Variants in PIGR observed in about 807,000 individuals in gnomAD.
PIGR encodes polymeric immunoglobulin receptor.
PIGR carries 22 observed loss-of-function variants against 69.5 expected under a neutral mutation model. The observed-to-expected ratio is 0.32, with a 90% CI of 0.23 to 0.45. PIGR has a LOEUF of 0.45. Ranked by LOEUF, PIGR falls within the 20% of genes least tolerant of loss-of-function variation. PIGR has a pLI of 1.00. For missense variants in PIGR, 885 were observed against 974.0 expected, an observed-to-expected ratio of 0.91 and a Z score of 1.22; for synonymous variants, 413 against 407.6, an observed-to-expected ratio of 1.01 and a Z score of -0.16.
chr1:206,933,949 A>G (rs1057146892), intron 6 of PIGR, among the ~76,000 whole-genome samples: 1 of 151,582 alleles, frequency 6.6e-6, no homozygotes, highest in Admixed American at 6.6e-5. Context: ...AGTTCACTGC[A>G]ACCCCTGCCT....
intron 3 of PIGR, among the ~76,000 whole-genome samples, chr1:206,938,475 C>T (rs184081898): frequency 4.3e-4 from 65 of 152,316 alleles, no homozygotes; most frequent in Middle Eastern, 3.4e-3. Context: ...TTCTTTTCTC[C>T]GTAGACCTCT....
In PIGR at chr1:206,939,158, G is replaced by A; in HGVS notation, c.349C>T (p.Arg117Ter). The change falls in exon 3 of 11, where the codon CGA becomes TGA. Residue 117 changes from arginine to a stop codon, truncating the protein, a stop_gained. Coordinates refer to ENST00000356495, the MANE Select transcript of PIGR (RefSeq NM_002644.4). LOFTEE classifies it high-confidence loss of function. ...RYKCGLGINS[R>*]GLSFDVSLEV... is the part of the protein sequence containing the mutation. Reference sequence around the variant, plus strand: ...AGGCTGACATCAAAGGACAGGCCTCGGCTATTGATGCCCAGGCCACACTTG... The same window carrying A: ...AGGCTGACATCAAAGGACAGGCCTCAGCTATTGATGCCCAGGCCACACTTG... The A allele has an allele frequency of 1.9e-6, 3 of 1,613,632 alleles. No individual in the cohort carries two copies. The highest frequency in any genetic ancestry group is 2.5e-6 in the Non-Finnish European group (3 of 1,179,620).
At position 206,939,418 on chromosome 1, in the gene PIGR, C is replaced by A; in HGVS notation, c.89G>T (p.Ser30Ile). 1 of 1,612,110 alleles carries A rather than the reference C, an allele frequency of 6.2e-7. No individual in the cohort carries two copies. The highest frequency in any genetic ancestry group is 8.5e-7 in the Non-Finnish European group (1 of 1,178,280). ...SPIFGPEEVN[S>I]VEGNSVSITC... ...GATGGACACTGAGTTACCTTCCACA[C>A]TATTCACCTCCTCGGGACCAAATAT... The change falls in exon 3 of 11, where the codon AGT (serine) becomes ATT (isoleucine). Residue 30 changes from serine to isoleucine, a missense_variant. By Grantham distance (142) the Ser-to-Ile change is moderately radical. Transcript: ENST00000356495.
At chr1:206,932,410 G>T in intron 8 of PIGR, 46 bp downstream of exon 8, 2 of 1,576,340 alleles carry the variant, frequency 1.3e-6, no homozygotes, top group East Asian at 2.3e-5. Flanking sequence ...TCAGGACTGA[G>T]GGCTCGGGTT....
chr1:206,931,291 C>T, intron 10 of PIGR: 3 of 1,451,216 alleles, frequency 2.1e-6, no homozygotes, highest in Non-Finnish European at 2.7e-6. Flanking sequence ...TCACCTCCTT[C>T]CTGGGCCTTA....
chr1:206,931,855 G>T (rs1679760395), intron 8 of PIGR, 53 bp from the exon 9 acceptor site: 2 of 1,605,896 alleles, frequency 1.2e-6, no homozygotes, highest in Admixed American at 3.3e-5. Flanking sequence ...GACCTAGAAG[G>T]CCAGGCTGGG....
chr1:206,939,579 A>G, intron 2 of PIGR, 116 bp from the exon 3 acceptor site: 1 of 634,556 alleles, frequency 1.6e-6, no homozygotes, highest in Non-Finnish European at 2.8e-6. Context: ...TGTGTTGATA[A>G]TTTATCATAT....
intron 1 of PIGR, among the ~76,000 whole-genome samples, chr1:206,942,770 G>C (rs1252789476): frequency 3.3e-5 from 5 of 152,176 alleles, no homozygotes; most frequent in African/African-American, 1.2e-4. Context: ...TGTAGAGAGG[G>C]GACATGTGTG....
In PIGR at chr1:206,940,520, G is replaced by A. The variant is rs867475005; in HGVS notation, c.12C>T (p.Phe4=). MLL[F]VLTCLLAVFP... ...AGACCGCCAGCAGGCAGGTGAGCAC[G>A]AAGAGCAGCATTGCTGGTGGGTCCC... Residue 4 remains phenylalanine (F), a synonymous_variant, in exon 2 of 11, where the codon TTC becomes TTT. Transcript: ENST00000356495. 9 of 1,551,420 alleles carry A rather than the reference G, an allele frequency of 5.8e-6. No homozygotes were observed. The Admixed American group carries it at 5.9e-5, about 10-fold the overall frequency.
At chr1:206,944,725 A>C (rs1477356888) in intron 1 of PIGR, among the ~76,000 whole-genome samples, 1 of 152,184 alleles carries the variant, frequency 6.6e-6, no homozygotes, top group Non-Finnish European at 1.5e-5. Context: ...ACATAGATGA[A>C]GGTCTCTGCT....
rs369739699 is a variant in PIGR at position 206,934,525 on chromosome 1, C to T, written c.1600G>A (p.Val534Met). 3.2e-5 allele frequency: 51 copies of T among 1,614,104 alleles called. 1 individual carries two copies. In the Middle Eastern group the frequency reaches 8.2e-4, roughly 26 times the overall value. The change falls in exon 6 of 11, where the codon GTG (valine) becomes ATG (methionine). Residue 534 changes from valine (V) to methionine (M), a missense_variant. By Grantham distance (21) the Val-to-Met change is conservative. Transcript: ENST00000356495. Reference protein sequence around the residue: ...SRLVSLTLNLVTRADEGWYWC... With the variant: ...SRLVSLTLNLMTRADEGWYWC... The stretch of plus-strand genomic sequence containing the variant: ...TACCAGCCCTCATCAGCCCTGGTCA[C>T]CAGGTTCAGGGTCAGGGAGACAAGC...
chr1:206,936,630 A>G (rs761308063), intron 4 of PIGR, among the ~76,000 whole-genome samples: 1 of 152,180 alleles, frequency 6.6e-6, no homozygotes, highest in Non-Finnish European at 1.5e-5. Flanking sequence ...TAACCCTACG[A>G]AATGTGACAG....
At chr1:206,939,038 A>G in intron 3 of PIGR, 81 bp downstream of exon 3, 1 of 1,227,550 alleles carries the variant, frequency 8.1e-7, no homozygotes, top group East Asian at 2.3e-5. Flanking sequence ...CTTGTCAGGA[A>G]GTTCCTCCTC....
At chr1:206,942,897 T>C (rs916420246) in intron 1 of PIGR, among the ~76,000 whole-genome samples, 1 of 152,194 alleles carries the variant, frequency 6.6e-6, no homozygotes, top group African/African-American at 2.4e-5. Context: ...CTAGATGGGA[T>C]GATTGGCAGG....
chr1:206,932,061 T>G (rs530935516), intron 8 of PIGR, among the ~76,000 whole-genome samples: 69 of 152,158 alleles, frequency 4.5e-4, no homozygotes, highest in Non-Finnish European at 9.0e-4. Context: ...GGTCCTCACA[T>G]CAGCCCCGTG....
At chr1:206,940,628 C>A (rs1679963694) in intron 1 of PIGR, 44 bp from the exon 2 acceptor site, 1 of 1,220,134 alleles carries the variant, frequency 8.2e-7, no homozygotes, top group Non-Finnish European at 1.1e-6. Context: ...CCCTTGTCTT[C>A]CAAGACTAGT....
Position 206,934,433 on chromosome 1 carries a change from C to A in PIGR, c.1692G>T (p.Glu564Asp). The change falls in exon 6 of 11, where the codon GAG (glutamate) becomes GAT (aspartate). Residue 564 changes from glutamate to aspartate, a missense_variant. Coordinates refer to ENST00000356495, the MANE Select transcript of PIGR (RefSeq NM_002644.4). ...ETAAVYVAVE[E>D]RKAAGSRDVS... ...TTGGAGACTCACCCGCTGCCTTCCTCTCTTCAACTGCCACATAGACGGCTG... is the reference window on the plus strand; with the variant it reads ...TTGGAGACTCACCCGCTGCCTTCCTATCTTCAACTGCCACATAGACGGCTG... The A allele has an allele frequency of 6.2e-7, 1 of 1,613,246 alleles. No homozygotes were observed. Among genetic ancestry groups the A allele is most frequent in the Non-Finnish European group, 8.5e-7 (1 of 1,179,274 alleles).
chr1:206,945,997 G>A (rs1680099074), intron 1 of PIGR, among the ~76,000 whole-genome samples: 1 of 152,158 alleles, frequency 6.6e-6, no homozygotes, highest in African/African-American at 2.4e-5. Flanking sequence ...GCTTGTCTAA[G>A]GCCACACAGT....
chr1:206,932,664 C>T, intron 7 of PIGR, 87 bp from the exon 8 acceptor site: 3 of 1,454,504 alleles, frequency 2.1e-6, no homozygotes. Context: ...AGTCCTTTTT[C>T]CTCCCAGGTT....
Sources: gnomAD v4.1 joint callset for allele counts (sites outside exome capture counted in the v4.1 genomes callset) on GRCh38, gnomAD v4.1.1 for gene constraint, MANE v1.5 for transcripts, NCBI Gene and HGNC (gene_info 2026-07-23, HGNC 2026-07-21) for gene names.